The following RASA1 variants were observed in gnomAD, a reference collection of about 807,000 sequenced individuals.
The protein encoded by RASA1 is ras GTPase-activating protein 1.
RASA1 carries 25 observed loss-of-function variants against 132.2 expected under a neutral mutation model. The ratio of observed to expected loss-of-function variants is 0.19; its 90% CI spans 0.14 to 0.26. The LOEUF (loss-of-function observed/expected upper bound fraction) is 0.26, where lower values mean the gene tolerates loss of function less well. Among genes scored for constraint, RASA1 ranks in the 10% least tolerant of loss-of-function variants. The pLI is 1.00. For synonymous variants in RASA1, 477 were observed against 449.9 expected, an observed-to-expected ratio of 1.06 and a Z score of -0.76; for missense variants, 964 against 1,299.2, an observed-to-expected ratio of 0.74 and a Z score of 3.97.
Position 87,379,746 on chromosome 5 carries a change from A to T in RASA1, c.2499A>T (p.Ser833=), listed in dbSNP as rs1355723637. The change falls in exon 19 of 25, where the codon TCA becomes TCT. Residue 833 remains serine, a synonymous_variant. Transcript: ENST00000274376. The part of the protein sequence containing the change: ...ESKQSCELSP[S]KLEKNEDVNT... ...ATTCCTTCTTTTAGTTAAGTCCATC[A>T]AAGTTAGAAAAAAATGAAGATGTGA... The T allele has an allele frequency of 6.2e-7, 1 of 1,612,296 alleles. No homozygotes were observed. The highest frequency in any genetic ancestry group is 1.7e-5 in the Admixed American group (1 of 59,960).
intron 1 of RASA1, among the ~76,000 whole-genome samples, chr5:87,304,345 A>G (rs1029964040): frequency 1.3e-5 from 2 of 152,184 alleles, no homozygotes; most frequent in African/African-American, 4.8e-5. Flanking sequence ...TGTATCATTG[A>G]CTTATTACAG....
chr5:87,284,275 C>T lies in RASA1; in HGVS notation c.539+15285C>T, dbSNP rs1042798576. On this transcript the variant is annotated intron_variant, in intron 1 of 24. Transcript: ENST00000274376. ...GTTAGCTTTCTTATTTATTGAACAG[C>T]CACGGTATAGGAATTCTTTCATACA... Among the ~76,000 whole-genome samples the T allele has an allele frequency of 3.3e-5, 5 of 152,212 alleles. No individual in the cohort carries two copies. In the East Asian group the frequency reaches 9.6e-4, roughly 29 times the overall value.
At chr5:87,269,344 A>T (rs757945499) in intron 1 of RASA1, 97 of 1,516,876 alleles carry the variant, frequency 6.4e-5, no homozygotes, top group Admixed American at 7.9e-5. Flanking sequence ...AGTGTATATT[A>T]ACTTGTGTGT....
intron 1 of RASA1, among the ~76,000 whole-genome samples, chr5:87,281,790 A>C (rs1053027805): frequency 6.6e-6 from 1 of 152,162 alleles, no homozygotes; most frequent in Non-Finnish European, 1.5e-5. Flanking sequence ...CATGTTGGCC[A>C]GGATGGTCTT....
chr5:87,301,882 C>G (rs1177710717), intron 1 of RASA1, among the ~76,000 whole-genome samples: 1 of 152,130 alleles, frequency 6.6e-6, no homozygotes, highest in Non-Finnish European at 1.5e-5. Context: ...CACTATTTCA[C>G]TCATCTCCAT....
intron 1 of RASA1, among the ~76,000 whole-genome samples, chr5:87,274,955 G>A (rs1041235991): frequency 3.3e-5 from 5 of 152,194 alleles, no homozygotes. Context: ...GGTGATGTCT[G>A]TAGTGACTGA....
chr5:87,365,137 T>C (rs946169753), intron 11 of RASA1, among the ~76,000 whole-genome samples: 1 of 152,176 alleles, frequency 6.6e-6, no homozygotes, highest in African/African-American at 2.4e-5. Context: ...ATGAATTCAG[T>C]TGGATAGTTG....
At chr5:87,341,422 C>T in intron 6 of RASA1, 101 bp downstream of exon 6, 1 of 674,598 alleles carries the variant, frequency 1.5e-6, no homozygotes. Flanking sequence ...AGGTTTTGGA[C>T]TGACTTAACT....
intron 23 of RASA1, among the ~76,000 whole-genome samples, chr5:87,388,272 T>C (rs972718362): frequency 5.3e-5 from 8 of 152,230 alleles, no homozygotes; most frequent in African/African-American, 1.9e-4. Context: ...ATAGATAACA[T>C]TGTTTTGCAG....
At chr5:87,271,262 AC>A (rs1753818467) in intron 1 of RASA1, among the ~76,000 whole-genome samples, 3 of 152,224 alleles carry the variant, frequency 2.0e-5, no homozygotes, top group Middle Eastern at 3.4e-3. Flanking sequence ...AAACAAAAAA[AC>A]AATATTACAG....
At chr5:87,355,373 C>T (rs555432676) in intron 9 of RASA1, among the ~76,000 whole-genome samples, 1 of 152,210 alleles carries the variant, frequency 6.6e-6, no homozygotes, top group South Asian at 2.1e-4. Context: ...AGAATTATGC[C>T]AAATCTACTG....
chr5:87,358,449 C>T (rs1426677057), intron 9 of RASA1, among the ~76,000 whole-genome samples: 1 of 152,100 alleles, frequency 6.6e-6, no homozygotes, highest in Non-Finnish European at 1.5e-5. Flanking sequence ...CAATTCTTCT[C>T]TTTTTTTCTT....
chr5:87,342,542 A>G (rs1317650454), intron 6 of RASA1, among the ~76,000 whole-genome samples: 3 of 152,118 alleles, frequency 2.0e-5, no homozygotes, highest in South Asian at 4.1e-4. Context: ...ATATATTCCC[A>G]GTTTTCTTTA....
At chr5:87,349,582 T>A (rs1310378062) in intron 8 of RASA1, among the ~76,000 whole-genome samples, 2 of 151,944 alleles carry the variant, frequency 1.3e-5, no homozygotes, top group Non-Finnish European at 2.9e-5. Flanking sequence ...TCCAAAACAA[T>A]TTTTGTGATT....
intron 1 of RASA1, among the ~76,000 whole-genome samples, chr5:87,291,618 G>A (rs1754913431): frequency 6.6e-6 from 1 of 152,148 alleles, no homozygotes; most frequent in Admixed American, 6.5e-5. Flanking sequence ...CATGGGGGAG[G>A]ATCCCTCATG....
chr5:87,363,166 T>C (rs1444135841), intron 10 of RASA1, among the ~76,000 whole-genome samples, 182 bp from the exon 11 acceptor site: 2 of 151,740 alleles, frequency 1.3e-5, no homozygotes, highest in African/African-American at 4.9e-5. Context: ...ACAAGTAATA[T>C]AACAAAAGGC....
chr5:87,349,113 CAT>C lies in RASA1; in HGVS notation c.1103-98_1103-97del, dbSNP rs1491028149. The C allele has an allele frequency of 1.0e-5, 14 of 1,355,620 alleles. No homozygotes were observed. In the Admixed American group the frequency reaches 1.1e-4, roughly 10 times the overall value. 84.0% of individuals were successfully genotyped at this position (1,355,620 alleles called of 1,614,324 possible). Reference sequence around the variant, plus strand: ...AAAACAAGTTCCTGGTGAAAATTTACATATGTTTATGACTTTGAATGCACTTT... The same window carrying C: ...AAAACAAGTTCCTGGTGAAAATTTACATGTTTATGACTTTGAATGCACTTT... On this transcript the variant is annotated intron_variant, in intron 7 of 24. Transcript: ENST00000274376.
chr5:87,371,986 T>C lies in RASA1; in HGVS notation c.1699-132T>C, dbSNP rs76905047. On this transcript the variant is annotated intron_variant, in intron 12 of 24. Coordinates refer to ENST00000274376, the MANE Select transcript of RASA1 (RefSeq NM_002890.3). Reference sequence around the variant, plus strand: ...TATTGGTTATTGTTATGAAGTACAGTATAGTCTGAGAATAGAAATGGCAGT... The same window carrying C: ...TATTGGTTATTGTTATGAAGTACAGCATAGTCTGAGAATAGAAATGGCAGT... 0.012 allele frequency: 7,768 copies of C among 653,422 alleles called. 482 individuals are homozygous for C. The African/African-American group carries it at 0.13, about 11-fold the overall frequency. 40.5% of individuals were successfully genotyped at this position (653,422 alleles called of 1,614,324 possible). A position where few individuals can be genotyped will look rare whatever the true frequency, so the allele number is the denominator to read the frequency against.
Position 87,383,896 on chromosome 5 carries a change from C to T in RASA1, c.2758+116C>T, listed in dbSNP as rs922423909. 44 of 913,846 alleles carry T rather than the reference C, an allele frequency of 4.8e-5. No individual in the cohort carries two copies. In the East Asian group the frequency reaches 1.2e-3, roughly 24 times the overall value. The allele number at this position is 913,846 out of a possible 1,614,324, so 56.6% of individuals were successfully genotyped here. A position where few individuals can be genotyped will look rare whatever the true frequency, so the allele number is the denominator to read the frequency against. On this transcript the variant is annotated intron_variant, in intron 21 of 24. Coordinates refer to ENST00000274376, the MANE Select transcript of RASA1 (RefSeq NM_002890.3). ...TTTGATCATCCAATTCTAGTCATGG[C>T]ATATATGAAGTATTCCAAAGCACCC...
Sources: gnomAD v4.1 joint callset for allele counts (sites outside exome capture counted in the v4.1 genomes callset) on GRCh38, gnomAD v4.1.1 for gene constraint, MANE v1.5 for transcripts, NCBI Gene and HGNC (gene_info 2026-07-23, HGNC 2026-07-21) for gene names.